The following EFR3A variants were observed in gnomAD, a reference collection of about 807,000 sequenced individuals.
EFR3A encodes protein EFR3 homolog A.
A neutral mutation model predicts 104.4 loss-of-function variants in EFR3A; 76 were observed. The observed-to-expected ratio is 0.73, with a 90% CI of 0.60 to 0.88. The LOEUF (loss-of-function observed/expected upper bound fraction) is 0.88. Among genes scored for constraint, EFR3A ranks in the 40% least tolerant of loss-of-function variants. The pLI is 0.00. For synonymous variants in EFR3A, 330 were observed against 330.0 expected, an observed-to-expected ratio of 1.00 and a Z score of 0.00; for missense variants, 985 against 1,012.5, an observed-to-expected ratio of 0.97 and a Z score of 0.37.
chr8:131,990,637 A>T (rs771202886), intron 18 of EFR3A, among the ~76,000 whole-genome samples: 2 of 152,160 alleles, frequency 1.3e-5, no homozygotes, highest in Non-Finnish European at 2.9e-5. Flanking sequence ...TCAGAGTTGC[A>T]TTTTAGAAGT....
intron 6 of EFR3A, among the ~76,000 whole-genome samples, chr8:131,954,329 A>G (rs1407161109): frequency 6.6e-6 from 1 of 152,060 alleles, no homozygotes; most frequent in Non-Finnish European, 1.5e-5. Flanking sequence ...AAGATCCAGC[A>G]TACTTTTGCA....
At chr8:131,971,552 G>C (rs574809224) in intron 10 of EFR3A, among the ~76,000 whole-genome samples, 2 of 152,046 alleles carry the variant, frequency 1.3e-5, no homozygotes, top group East Asian at 1.9e-4. Flanking sequence ...GCCGGGCGAG[G>C]TGGCGGGCAC....
At chr8:131,931,282 T>C (rs906766316) in intron 1 of EFR3A, among the ~76,000 whole-genome samples, 2 of 152,190 alleles carry the variant, frequency 1.3e-5, no homozygotes, top group Non-Finnish European at 1.5e-5. Flanking sequence ...AAGGCAACCT[T>C]GTACAATTAA....
intron 22 of EFR3A, among the ~76,000 whole-genome samples, chr8:132,007,246 A>G (rs995963881): frequency 2.0e-5 from 3 of 151,714 alleles, no homozygotes; most frequent in African/African-American, 7.3e-5. Flanking sequence ...AGTAATCAAG[A>G]AAAAAAACCC....
intron 1 of EFR3A, among the ~76,000 whole-genome samples, chr8:131,911,571 GT>G (rs2130384545): frequency 6.6e-6 from 1 of 152,236 alleles, no homozygotes; most frequent in South Asian, 2.1e-4. Context: ...CCCTCTGAAG[GT>G]TCACTGAAAA....
chr8:131,919,878 A>G (rs936047421), intron 1 of EFR3A, among the ~76,000 whole-genome samples: 9 of 150,572 alleles, frequency 6.0e-5, no homozygotes, highest in Admixed American at 4.6e-4. Context: ...ATATATATGT[A>G]TATATATATT....
At chr8:131,960,436 T>C (rs1373891753) in intron 8 of EFR3A, among the ~76,000 whole-genome samples, 1 of 152,192 alleles carries the variant, frequency 6.6e-6, no homozygotes, top group East Asian at 1.9e-4. Context: ...TCCCCAAGTA[T>C]ATCAAGGGAT....
intron 1 of EFR3A, among the ~76,000 whole-genome samples, chr8:131,916,894 C>T (rs1816768607): frequency 6.6e-6 from 1 of 152,162 alleles, no homozygotes. Context: ...ATTGTTGTGT[C>T]TCAGCCGTGG....
intron 2 of EFR3A, 48 bp downstream of exon 2, chr8:131,940,623 GC>G: frequency 6.4e-7 from 1 of 1,565,260 alleles, no homozygotes; most frequent in Non-Finnish European, 8.7e-7. Flanking sequence ...GACCCATTCT[GC>G]CCCCCGCTGA....
At chr8:131,914,971 C>T (rs932605293) in intron 1 of EFR3A, among the ~76,000 whole-genome samples, 2 of 152,160 alleles carry the variant, frequency 1.3e-5, no homozygotes, top group Non-Finnish European at 2.9e-5. Context: ...TCTGTTCCCA[C>T]AAAAGACATG....
At position 131,986,267 on chromosome 8, in the gene EFR3A, T is replaced by G. The variant is rs1820875993; in HGVS notation, c.1937+6T>G. The G allele has an allele frequency of 6.7e-7, 1 of 1,503,702 alleles. No homozygotes were observed. The highest frequency in any genetic ancestry group is 1.4e-5 in the African/African-American group (1 of 72,024). 93.1% of individuals were successfully genotyped at this position (1,503,702 alleles called of 1,614,324 possible). A position where few individuals can be genotyped will look rare whatever the true frequency, so the allele number is the denominator to read the frequency against. On this transcript the variant is annotated splice_donor_region_variant and intron_variant, in intron 17 of 22. Coordinates refer to ENST00000254624, the MANE Select transcript of EFR3A (RefSeq NM_015137.6). ...ATCTTCAGAGATAAGTGCATGTATGTTAATTCTTTACATTTTAAGGATGGG... is the reference window on the plus strand; with the variant it reads ...ATCTTCAGAGATAAGTGCATGTATGGTAATTCTTTACATTTTAAGGATGGG...
At chr8:131,955,369 A>G (rs1818924172) in intron 6 of EFR3A, among the ~76,000 whole-genome samples, 1 of 152,136 alleles carries the variant, frequency 6.6e-6, no homozygotes, top group African/African-American at 2.4e-5. Context: ...TTTTATTTAC[A>G]GGCTAGGTCA....
At chr8:131,976,761 G>A (rs988694209) in intron 11 of EFR3A, among the ~76,000 whole-genome samples, 2 of 151,918 alleles carry the variant, frequency 1.3e-5, no homozygotes, top group Admixed American at 6.6e-5. Flanking sequence ...CTTAATTTGG[G>A]TTGTTTAGTT....
Position 131,929,747 on chromosome 8 carries a change from G to A in EFR3A, c.11-10752G>A, listed in dbSNP as rs903157774. ...TTTCCCATTTATGTATATTTCTGAG[G>A]CACATTTGTTTTTTGGTTTTCAGAG... On this transcript the variant is annotated intron_variant, in intron 1 of 22. Transcript: ENST00000254624. Among the ~76,000 whole-genome samples, 18 of 152,182 alleles carry A rather than the reference G, an allele frequency of 1.2e-4. No individual in the cohort carries two copies. In the South Asian group the frequency reaches 2.3e-3, roughly 19 times the overall value.
chr8:131,970,695 G>A (rs1381071119), intron 10 of EFR3A, 52 bp downstream of exon 10: 2 of 1,520,352 alleles, frequency 1.3e-6, no homozygotes, highest in African/African-American at 1.4e-5. Flanking sequence ...GATTTACAAA[G>A]CTCTCACATA....
At chr8:131,931,307 CAGTA>C (rs767130854) in intron 1 of EFR3A, among the ~76,000 whole-genome samples, 1 of 151,964 alleles carries the variant, frequency 6.6e-6, no homozygotes, top group Non-Finnish European at 1.5e-5. Flanking sequence ...TAAATACAAA[CAGTA>C]AGAGAAGATT....
At chr8:131,944,205 C>T (rs1036727549) in intron 2 of EFR3A, among the ~76,000 whole-genome samples, 2 of 151,920 alleles carry the variant, frequency 1.3e-5, no homozygotes, top group African/African-American at 2.4e-5. Context: ...GACAAATGAC[C>T]GTTTTATAAT....
chr8:131,952,133 TACCACCACCACCACC>T (rs916628157), intron 5 of EFR3A, among the ~76,000 whole-genome samples: 1 of 151,734 alleles, frequency 6.6e-6, no homozygotes, highest in African/African-American at 2.4e-5. Flanking sequence ...TGGTAGAAAT[TACCACCACCACCACC>T]ACCACCACCA....
At chr8:132,006,029 G>T (rs1211125453) in intron 22 of EFR3A, among the ~76,000 whole-genome samples, 1 of 152,064 alleles carries the variant, frequency 6.6e-6, no homozygotes, top group African/African-American at 2.4e-5. Context: ...ATGACAGGAC[G>T]AATTAGAAAA....
Sources: allele counts gnomAD v4.1 joint callset (sites outside exome capture counted in the v4.1 genomes callset), GRCh38; gene constraint gnomAD v4.1.1; transcripts MANE v1.5; gene names NCBI Gene and HGNC (gene_info 2026-07-23, HGNC 2026-07-21).